Variants in TNRC6C observed in about 807,000 individuals in gnomAD.
The protein encoded by TNRC6C is trinucleotide repeat containing adaptor 6C, also known as trinucleotide repeat-containing gene 6C protein.
In TNRC6C, 20 loss-of-function variants were observed where a neutral mutation model predicts 153.7. The ratio of observed to expected loss-of-function variants is 0.13; its 90% CI spans 0.09 to 0.19. The LOEUF (loss-of-function observed/expected upper bound fraction) is 0.19. Ranked by LOEUF, TNRC6C falls within the 10% of genes least tolerant of loss-of-function variation. The pLI, the probability that TNRC6C is intolerant of heterozygous loss-of-function variation, is 1.00. For missense variants in TNRC6C, 1,987 were observed against 2,172.0 expected, an observed-to-expected ratio of 0.91 and a Z score of 1.69; for synonymous variants, 811 against 841.4, an observed-to-expected ratio of 0.96 and a Z score of 0.63.
Position 77,999,104 on chromosome 17 carries a change from C to T in TNRC6C, c.-37-5066C>T, listed in dbSNP as rs571131734. Among the ~76,000 whole-genome samples the T allele has an allele frequency of 3.8e-4, 58 of 152,140 alleles. 1 individual carries two copies. The highest frequency in any genetic ancestry group is 2.9e-3 in the Admixed American group (44 of 15,272). The stretch of plus-strand genomic sequence containing the variant: ...CTTTGTTCTGCTGTTTTGAGTCTGC[C>T]CCATAAATGCATAACTCAAAGGTGA... On this transcript the variant is annotated intron_variant, in intron 1 of 22. Transcript: ENST00000636222.
chr17:77,958,438 G>A (rs1287987420), upstream of TNRC6C, among the ~76,000 whole-genome samples: 1 of 151,996 alleles, frequency 6.6e-6, no homozygotes, highest in Non-Finnish European at 1.5e-5. Flanking sequence ...CGCTCCCCGC[G>A]CGGTGCAGGG....
chr17:78,080,672 G>A (rs1395883192), intron 10 of TNRC6C, among the ~76,000 whole-genome samples: 5 of 152,024 alleles, frequency 3.3e-5, no homozygotes, highest in African/African-American at 4.8e-5. Context: ...TCTTTGCTGC[G>A]TGGGGTAACT....
chr17:78,054,862 C>A (rs1387723092), intron 3 of TNRC6C, among the ~76,000 whole-genome samples: 1 of 152,040 alleles, frequency 6.6e-6, no homozygotes, highest in Non-Finnish European at 1.5e-5. Context: ...CTGTACACTA[C>A]CATACACCAC....
intron 1 of TNRC6C, among the ~76,000 whole-genome samples, chr17:78,015,706 G>A (rs933381216): frequency 6.6e-6 from 1 of 152,198 alleles, no homozygotes; most frequent in Non-Finnish European, 1.5e-5. Context: ...GAGGTCAGGA[G>A]TTCCAGACCA....
rs1598766395 is a variant in TNRC6C at position 78,079,349 on chromosome 17, C to T, written c.3211-46C>T. ...TTCACCCTACCTCCAAACAATGTTA[C>T]TCTAATGCCTGCCTTGGTAACGTGT... On this transcript the variant is annotated intron_variant, in intron 9 of 19. Transcript: ENST00000301624. The surrounding 1 kb of genome is among the most constrained non-coding windows in gnomAD (Gnocchi z 4.3). 1.2e-6 allele frequency: 2 copies of T among 1,602,758 alleles called. No individual in the cohort carries two copies. The highest frequency in any genetic ancestry group is 1.7e-6 in the Non-Finnish European group (2 of 1,170,884).
At chr17:78,072,957 G>C in intron 6 of TNRC6C, 80 bp from the exon 9 acceptor site, 1 of 1,039,130 alleles carries the variant, frequency 9.6e-7, no homozygotes, top group Non-Finnish European at 1.4e-6. Context: ...ATGTCTTTAA[G>C]TTGATAGTGA....
At chr17:78,068,021 G>A in intron 5 of TNRC6C, 98 bp downstream of exon 7, 1 of 1,423,516 alleles carries the variant, frequency 7.0e-7, no homozygotes, top group Non-Finnish European at 9.3e-7. Flanking sequence ...TAGACCTGAG[G>A]TTCTCAAAGT....
At chr17:78,029,189 C>T (rs557272301) in intron 1 of TNRC6C, among the ~76,000 whole-genome samples, 2 of 152,196 alleles carry the variant, frequency 1.3e-5, no homozygotes, top group East Asian at 1.9e-4. Context: ...GTGCTACAGA[C>T]GCCAAACCAC....
intron 1 of TNRC6C, among the ~76,000 whole-genome samples, chr17:77,968,643 C>T (rs573678643): frequency 1.3e-5 from 2 of 152,214 alleles, no homozygotes; most frequent in East Asian, 3.9e-4. Context: ...GTGCCCGGCC[C>T]GAGATGTAGT....
At chr17:77,960,291 C>T (rs993534562) in intron 1 of TNRC6C, among the ~76,000 whole-genome samples, 3 of 152,150 alleles carry the variant, frequency 2.0e-5, no homozygotes, top group African/African-American at 4.8e-5. Context: ...TAAGGAGTTG[C>T]AAGTTGGAGC....
At chr17:78,092,697 A>G (rs1369817366) in intron 14 of TNRC6C, among the ~76,000 whole-genome samples, 2 of 152,106 alleles carry the variant, frequency 1.3e-5, no homozygotes, top group African/African-American at 2.4e-5. Context: ...TCACATCACT[A>G]CACTCCAGCC....
At chr17:78,040,413 C>G (rs1012951015) in intron 2 of TNRC6C, among the ~76,000 whole-genome samples, 23 of 152,186 alleles carry the variant, frequency 1.5e-4, no homozygotes, top group African/African-American at 5.6e-4. Flanking sequence ...CATTTATAAA[C>G]AGAGGCTTTG....
chr17:78,000,626 C>CA (rs963425740), upstream of TNRC6C, among the ~76,000 whole-genome samples: 4 of 65,020 alleles, frequency 6.2e-5, no homozygotes, highest in Admixed American at 2.5e-4. Context: ...CCGCCCCCCC[C>CA]CCCCCACACA....
chr17:77,990,956 A>G (rs1368134962), intron 1 of TNRC6C, among the ~76,000 whole-genome samples: 1 of 152,298 alleles, frequency 6.6e-6, no homozygotes, highest in East Asian at 1.9e-4. Flanking sequence ...CTTACAGTCA[A>G]TGGCCTATAT....
intron 1 of TNRC6C, among the ~76,000 whole-genome samples, chr17:78,025,000 G>A (rs542724169): frequency 2.0e-4 from 30 of 151,556 alleles, no homozygotes; most frequent in Non-Finnish European, 4.3e-4. Context: ...CACCATGTTA[G>A]CCAGTGTGAT....
intron 1 of TNRC6C, among the ~76,000 whole-genome samples, chr17:77,961,061 G>A (rs1204820816): frequency 6.6e-6 from 1 of 151,498 alleles, no homozygotes; most frequent in East Asian, 1.9e-4. Flanking sequence ...ACACACACTC[G>A]TTTTTATTAT....
intron 1 of TNRC6C, among the ~76,000 whole-genome samples, chr17:78,028,504 GT>G (rs2071990933): frequency 6.6e-6 from 1 of 152,108 alleles, no homozygotes; most frequent in African/African-American, 2.4e-5. Context: ...TAGACAGTGG[GT>G]TCATCCAGGA....
At chr17:78,059,834 G>A (rs915849007) in intron 3 of TNRC6C, among the ~76,000 whole-genome samples, 28 of 145,638 alleles carry the variant, frequency 1.9e-4, no homozygotes, top group Non-Finnish European at 2.2e-4. Flanking sequence ...TGGACAACAG[G>A]AGACCCTGTC....
rs114324050 is a variant in TNRC6C at position 78,067,453 on chromosome 17, G to C, written c.2612-304G>C. The stretch of plus-strand genomic sequence containing the variant: ...CCATGTAGAGATTGCCACCTTCCCT[G>C]GTGGCCCCAGGATTTGTTCTTAGCA... On this transcript the variant is annotated intron_variant, in intron 4 of 19. Coordinates refer to ENST00000301624, the Ensembl canonical transcript of TNRC6C. Among the ~76,000 whole-genome samples, 1,381 of 152,300 alleles carry C rather than the reference G, an allele frequency of 9.1e-3. 22 individuals carry two copies. The highest frequency in any genetic ancestry group is 0.031 in the African/African-American group (1,284 of 41,556).
Sources: gnomAD v4.1 joint callset for allele counts (sites outside exome capture counted in the v4.1 genomes callset) on GRCh38, gnomAD v4.1.1 for gene constraint, Gnocchi (gnomAD v3.1) non-coding constraint, MANE v1.5 for transcripts, NCBI Gene and HGNC (gene_info 2026-07-23, HGNC 2026-07-21) for gene names.